Variants in SSH2 observed in about 807,000 individuals in gnomAD.
The protein encoded by SSH2 is slingshot protein phosphatase 2, also known as protein phosphatase Slingshot homolog 2.
A neutral mutation model predicts 135.2 loss-of-function variants in SSH2; 37 were observed. That is an observed-to-expected ratio of 0.27 (90% CI 0.21 to 0.36). The LOEUF (loss-of-function observed/expected upper bound fraction) is 0.36. SSH2 is among the 10% of genes least tolerant of loss of function. The pLI is 1.00. For synonymous variants in SSH2, 628 were observed against 646.2 expected (o/e 0.97, Z 0.43); for missense variants, 1,408 against 1,765.3 (o/e 0.80, Z 3.63).
At chr17:29,732,304 A>C (rs1247648655) in intron 3 of SSH2, among the ~76,000 whole-genome samples, 1 of 152,240 alleles carries the variant, frequency 6.6e-6, no homozygotes, top group Non-Finnish European at 1.5e-5. Flanking sequence ...GCAAATTATT[A>C]TTCTAAAGAA....
At chr17:29,758,445 T>C (rs2151248194) in intron 3 of SSH2, among the ~76,000 whole-genome samples, 1 of 152,332 alleles carries the variant, frequency 6.6e-6, no homozygotes, top group South Asian at 2.1e-4. Context: ...ATGAGATAGA[T>C]GTACATTAAA....
At chr17:29,901,916 A>G (rs2066564438) in intron 1 of SSH2, among the ~76,000 whole-genome samples, 2 of 151,982 alleles carry the variant, frequency 1.3e-5, no homozygotes, top group African/African-American at 4.8e-5. Flanking sequence ...CTCAAGTAGT[A>G]AGACTATAGG....
rs1250650251 is a variant in SSH2 at position 29,763,945 on chromosome 17, GC to G, written c.188+29948del. On this transcript the variant is annotated intron_variant, in intron 3 of 15. Coordinates refer to ENST00000540801, the MANE Select transcript of SSH2 (RefSeq NM_001282129.2). ...AAGAAAGTGCTAGAACATGTCTCCTGCTTTTTTTTTTTTTTTTCCCTGAGAC... is the reference window on the plus strand; with the variant it reads ...AAGAAAGTGCTAGAACATGTCTCCTGTTTTTTTTTTTTTTTTCCCTGAGAC... Among the ~76,000 whole-genome samples, 13 of 128,928 alleles carry G rather than the reference GC, an allele frequency of 1.0e-4. No homozygotes were observed. The South Asian group carries it at 2.8e-3, about 27-fold the overall frequency. The allele number at this position is 128,928 out of a possible 152,430, so 84.6% of individuals were successfully genotyped here.
chr17:29,645,097 C>A (rs1444326384), intron 14 of SSH2: 1 of 152,174 alleles, frequency 6.6e-6, no homozygotes, highest in Non-Finnish European at 1.5e-5. Flanking sequence ...TTCTGGGTAG[C>A]CTTGGAGGAA....
At chr17:29,826,795 G>A (rs2042752941) in intron 2 of SSH2, among the ~76,000 whole-genome samples, 1 of 152,136 alleles carries the variant, frequency 6.6e-6, no homozygotes, top group African/African-American at 2.4e-5. Flanking sequence ...CCAGGGAAGA[G>A]GAGTGCTTTG....
At chr17:29,928,262 T>C (rs1416428484) in intron 1 of SSH2, 1 of 315,264 alleles carries the variant, frequency 3.2e-6, no homozygotes, top group African/African-American at 2.1e-5. Flanking sequence ...AAAACTAGCA[T>C]AAAGTACTAC....
intron 2 of SSH2, among the ~76,000 whole-genome samples, chr17:29,845,124 T>A (rs1199128521): frequency 6.6e-6 from 1 of 152,238 alleles, no homozygotes; most frequent in Non-Finnish European, 1.5e-5. Flanking sequence ...CTAACCAAAG[T>A]TCATACTTCT....
chr17:29,734,491 C>G (rs1463249554), intron 3 of SSH2, among the ~76,000 whole-genome samples: 1 of 152,142 alleles, frequency 6.6e-6, no homozygotes, highest in African/African-American at 2.4e-5. Flanking sequence ...AGCACATTCA[C>G]TTCACTAAAT....
At chr17:29,833,763 C>T (rs1424610084) in intron 2 of SSH2, among the ~76,000 whole-genome samples, 3 of 84,684 alleles carry the variant, frequency 3.5e-5, no homozygotes, top group Admixed American at 1.2e-4. Context: ...TCCTCCCTCC[C>T]TTTCTCCTTC....
intron 3 of SSH2, among the ~76,000 whole-genome samples, chr17:29,774,585 C>T (rs762019581): frequency 6.6e-6 from 1 of 152,154 alleles, no homozygotes; most frequent in Non-Finnish European, 1.5e-5. Flanking sequence ...TTAAAGTTTC[C>T]TGCATACTTC....
At chr17:29,651,436 C>T (rs1363097705) in intron 12 of SSH2, among the ~76,000 whole-genome samples, 2 of 152,190 alleles carry the variant, frequency 1.3e-5, no homozygotes, top group African/African-American at 2.4e-5. Context: ...TCGATGTATC[C>T]GAAGATTCTT....
At chr17:29,847,614 C>T (rs752367080) in intron 2 of SSH2, among the ~76,000 whole-genome samples, 12 of 152,154 alleles carry the variant, frequency 7.9e-5, no homozygotes, top group Non-Finnish European at 1.3e-4. Context: ...TAAGGTAGAA[C>T]AATGTGTATG....
intron 1 of SSH2, among the ~76,000 whole-genome samples, chr17:29,892,462 T>C (rs2066368292): frequency 6.6e-6 from 1 of 152,012 alleles, no homozygotes; most frequent in South Asian, 2.1e-4. Context: ...TAAAAGCTGC[T>C]AGAGGAAGGC....
At chr17:29,699,572 T>C (rs1056256916) in intron 4 of SSH2, among the ~76,000 whole-genome samples, 3 of 152,180 alleles carry the variant, frequency 2.0e-5, no homozygotes, top group Middle Eastern at 6.3e-3. Flanking sequence ...AAGTGAACAA[T>C]GTCAAGTAGA....
intron 2 of SSH2, among the ~76,000 whole-genome samples, chr17:29,832,106 A>G (rs777419751): frequency 2.6e-5 from 4 of 152,080 alleles, no homozygotes; most frequent in African/African-American, 4.8e-5. Flanking sequence ...TTACTTATAA[A>G]TCTGTCTTTC....
chr17:29,776,830 A>AG (rs1353432312), intron 3 of SSH2: 1 of 152,274 alleles, frequency 6.6e-6, no homozygotes, highest in Non-Finnish European at 1.5e-5. Flanking sequence ...AACTTTTAAA[A>AG]GGATATTTGT....
intron 1 of SSH2, among the ~76,000 whole-genome samples, chr17:29,867,718 C>T (rs1567619420): frequency 6.6e-6 from 1 of 152,140 alleles, no homozygotes; most frequent in Non-Finnish European, 1.5e-5. Flanking sequence ...AGAAAGATCG[C>T]TGTTACTTAG....
At chr17:29,739,047 C>A (rs1465192162) in intron 3 of SSH2, among the ~76,000 whole-genome samples, 1 of 152,132 alleles carries the variant, frequency 6.6e-6, no homozygotes, top group Non-Finnish European at 1.5e-5. Flanking sequence ...ACCAGCCAAA[C>A]AGAAGGAAAC....
At chr17:29,642,158 AC>A (rs1323454909) in intron 14 of SSH2, among the ~76,000 whole-genome samples, 1 of 152,126 alleles carries the variant, frequency 6.6e-6, no homozygotes, top group Admixed American at 6.5e-5. Flanking sequence ...CTTGGCTGTC[AC>A]CTGACCAGGA....
Sources: allele counts gnomAD v4.1 joint callset (sites outside exome capture counted in the v4.1 genomes callset), GRCh38; gene constraint gnomAD v4.1.1; transcripts MANE v1.5; gene names NCBI Gene and HGNC (gene_info 2026-07-23, HGNC 2026-07-21).